SORCS3: variants seen among roughly 807,000 people sequenced by gnomAD.
SORCS3 encodes the protein VPS10 domain-containing receptor SorCS3.
A neutral mutation model predicts 146.3 loss-of-function variants in SORCS3; 57 were observed. The observed-to-expected ratio is 0.39, with a 90% CI of 0.31 to 0.49. The LOEUF (loss-of-function observed/expected upper bound fraction) is 0.49. Ranked by LOEUF, SORCS3 falls within the 20% of genes least tolerant of loss-of-function variation. SORCS3 has a pLI of 0.92. For synonymous variants in SORCS3, 653 were observed against 618.5 expected, an observed-to-expected ratio of 1.06 and a Z score of -0.83; for missense variants, 1,341 against 1,575.5, an observed-to-expected ratio of 0.85 and a Z score of 2.52.
chr10:104,940,890 T>A (rs1179321014), intron 3 of SORCS3, among the ~76,000 whole-genome samples: 4 of 152,114 alleles, frequency 2.6e-5, no homozygotes, highest in African/African-American at 9.7e-5. Flanking sequence ...AAAACTACTT[T>A]AAAGTTCATA....
chr10:105,141,601 G>T (rs552103103), intron 8 of SORCS3, among the ~76,000 whole-genome samples: 1 of 152,116 alleles, frequency 6.6e-6, no homozygotes, highest in Non-Finnish European at 1.5e-5. Flanking sequence ...CTCTCCTGGG[G>T]TACTCCATAG....
At chr10:105,081,307 G>A (rs2055623765) in intron 5 of SORCS3, among the ~76,000 whole-genome samples, 1 of 152,110 alleles carries the variant, frequency 6.6e-6, no homozygotes, top group Non-Finnish European at 1.5e-5. Flanking sequence ...AAAACACAAA[G>A]GATCTTGGTC....
chr10:104,908,144 G>A (rs1525388), intron 2 of SORCS3, among the ~76,000 whole-genome samples: 55,438 of 152,110 alleles, frequency 0.36, 13,275 homozygotes, highest in African/African-American at 0.68. Context: ...ACAATCCTCA[G>A]TGTATCTCAG....
chr10:104,831,568 T>A (rs553874520), intron 1 of SORCS3, among the ~76,000 whole-genome samples: 1 of 152,276 alleles, frequency 6.6e-6, no homozygotes, highest in Admixed American at 6.5e-5. Context: ...GCAGCAATCC[T>A]CATGACAGAC....
intron 1 of SORCS3, among the ~76,000 whole-genome samples, chr10:104,785,718 C>T (rs911244912): frequency 1.3e-5 from 2 of 152,162 alleles, no homozygotes; most frequent in African/African-American, 4.8e-5. Context: ...GAACTCACAC[C>T]TGCAGTCTTC....
chr10:104,950,383 G>T (rs1250679072), intron 3 of SORCS3, among the ~76,000 whole-genome samples: 30 of 152,274 alleles, frequency 2.0e-4, no homozygotes, highest in East Asian at 1.9e-4. Flanking sequence ...TCTAGGGTAT[G>T]TTGCTTAATC....
At position 105,157,265 on chromosome 10, in the gene SORCS3, G is replaced by A; in HGVS notation, c.1610G>A (p.Ser537Asn). The A allele has an allele frequency of 6.2e-7, 1 of 1,614,026 alleles. No individual in the cohort carries two copies. The highest frequency in any genetic ancestry group is 8.5e-7 in the Non-Finnish European group (1 of 1,179,930). ...LQAPDVDLRGSPVHCLLPFCS... is the reference protein window; with the variant it reads ...LQAPDVDLRGNPVHCLLPFCS... ...GCTCCGGATGTGGACCTGAGAGGAAGCCCAGTGCACTGCCTGCTGGTCAGT... is the reference window on the plus strand; with the variant it reads ...GCTCCGGATGTGGACCTGAGAGGAAACCCAGTGCACTGCCTGCTGGTCAGT... Residue 537 changes from serine (S) to asparagine (N), a missense_variant, in exon 10 of 27, where the codon AGC (serine) becomes AAC (asparagine). Ser to Asn is a conservative substitution (Grantham distance 46). Coordinates refer to ENST00000369701, the MANE Select transcript of SORCS3 (RefSeq NM_014978.3).
At chr10:104,723,604 G>A (rs1323384232) in intron 1 of SORCS3, among the ~76,000 whole-genome samples, 1 of 152,142 alleles carries the variant, frequency 6.6e-6, no homozygotes, top group Non-Finnish European at 1.5e-5. Flanking sequence ...TTATTATTGT[G>A]TGGGAATCTA....
intron 1 of SORCS3, among the ~76,000 whole-genome samples, chr10:104,790,411 G>A (rs539437007): frequency 1.3e-5 from 2 of 152,090 alleles, no homozygotes; most frequent in East Asian, 1.9e-4. Context: ...CCAGATGGTG[G>A]CAGAAAACCT....
At chr10:105,236,409 A>G (rs2056793282) in intron 20 of SORCS3, among the ~76,000 whole-genome samples, 1 of 152,182 alleles carries the variant, frequency 6.6e-6, no homozygotes, top group Non-Finnish European at 1.5e-5. Flanking sequence ...ATAGTGAAGG[A>G]AAAAGAGAAA....
chr10:104,906,802 A>G (rs1190566414), intron 2 of SORCS3, among the ~76,000 whole-genome samples: 3 of 152,188 alleles, frequency 2.0e-5, no homozygotes, highest in South Asian at 4.1e-4. Context: ...CTTTATTGCT[A>G]TAATTTTTAA....
intron 1 of SORCS3, among the ~76,000 whole-genome samples, chr10:104,824,090 C>G (rs902524373): frequency 6.6e-6 from 1 of 152,176 alleles, no homozygotes; most frequent in East Asian, 1.9e-4. Flanking sequence ...GAACACAACC[C>G]TACCAATACC....
At chr10:104,749,740 C>T (rs1293142976) in intron 1 of SORCS3, among the ~76,000 whole-genome samples, 3 of 152,176 alleles carry the variant, frequency 2.0e-5, no homozygotes, top group Non-Finnish European at 1.5e-5. Context: ...GTGCAATGGA[C>T]AGGGCCAGTC....
chr10:104,720,023 C>T (rs1371751708), intron 1 of SORCS3, among the ~76,000 whole-genome samples: 2 of 151,424 alleles, frequency 1.3e-5, no homozygotes, highest in African/African-American at 4.9e-5. Flanking sequence ...ATGTGCACAA[C>T]GTGCAGGTTT....
intron 1 of SORCS3, among the ~76,000 whole-genome samples, chr10:104,694,391 T>C (rs967556971): frequency 6.6e-6 from 1 of 151,912 alleles, no homozygotes; most frequent in African/African-American, 2.4e-5. Flanking sequence ...TTTCTCTCAG[T>C]TGCTGTGTCC....
chr10:105,088,759 G>T (rs2055681133), intron 5 of SORCS3, among the ~76,000 whole-genome samples: 1 of 152,108 alleles, frequency 6.6e-6, no homozygotes, highest in Non-Finnish European at 1.5e-5. Flanking sequence ...TGAGTTCTTA[G>T]GTCTGTTTTT....
intron 1 of SORCS3, among the ~76,000 whole-genome samples, chr10:104,808,980 A>C (rs897752944): frequency 1.3e-5 from 2 of 152,212 alleles, no homozygotes; most frequent in East Asian, 1.9e-4. Flanking sequence ...TGCGTTGGCT[A>C]TAGTAAAATG....
chr10:105,111,563 A>G (rs2055859127), intron 7 of SORCS3, among the ~76,000 whole-genome samples: 1 of 152,234 alleles, frequency 6.6e-6, no homozygotes, highest in Non-Finnish European at 1.5e-5. Flanking sequence ...CAATTGCTCA[A>G]TGCGTAAGAA....
At chr10:104,910,847 T>A (rs1417231740) in intron 2 of SORCS3, among the ~76,000 whole-genome samples, 2 of 152,258 alleles carry the variant, frequency 1.3e-5, no homozygotes, top group Non-Finnish European at 2.9e-5. Context: ...ACTGACCTCA[T>A]GCGCCACCTT....
Sources: allele counts gnomAD v4.1 joint callset (sites outside exome capture counted in the v4.1 genomes callset), GRCh38; gene constraint gnomAD v4.1.1; transcripts MANE v1.5; gene names NCBI Gene and HGNC (gene_info 2026-07-23, HGNC 2026-07-21).